PKHD1L1: variants seen among roughly 807,000 people sequenced by gnomAD.
PKHD1L1 encodes PKHD1 like 1.
Under a neutral mutation model 462.9 loss-of-function variants are expected in PKHD1L1, and 434 were observed. The observed-to-expected ratio is 0.94, with a 90% CI of 0.87 to 1.02. PKHD1L1 has a LOEUF of 1.02. PKHD1L1 is among the 50% of genes least tolerant of loss of function. The pLI, the probability that PKHD1L1 is intolerant of heterozygous loss-of-function variation, is 0.00. For synonymous variants in PKHD1L1, 1,781 were observed against 1,750.0 expected, an observed-to-expected ratio of 1.02 and a Z score of -0.44; for missense variants, 5,202 against 5,096.1, an observed-to-expected ratio of 1.02 and a Z score of -0.63.
intron 2 of PKHD1L1, among the ~76,000 whole-genome samples, chr8:109,365,245 C>T (rs1811171888): frequency 6.6e-6 from 1 of 152,038 alleles, no homozygotes; most frequent in South Asian, 2.1e-4. Flanking sequence ...GCCATAAGAC[C>T]TTTGCAATAT....
intron 38 of PKHD1L1, 45 bp downstream of exon 38, chr8:109,445,690 A>G (rs757142880): frequency 2.9e-5 from 42 of 1,468,652 alleles, no homozygotes; most frequent in Admixed American, 5.7e-5. Flanking sequence ...TAGTATCGAT[A>G]ATATTTATTA....
chr8:109,462,230 T>C (rs533564685), intron 48 of PKHD1L1, among the ~76,000 whole-genome samples: 12 of 152,290 alleles, frequency 7.9e-5, no homozygotes, highest in African/African-American at 2.6e-4. Flanking sequence ...TGTGATTTTC[T>C]CCTACCTGGT....
chr8:109,429,303 A>G (rs1457799420), intron 25 of PKHD1L1, 37 bp from the exon 26 acceptor site: 2 of 1,446,006 alleles, frequency 1.4e-6, no homozygotes, highest in South Asian at 1.3e-5. Context: ...CATATTTGTT[A>G]TAACCTTTCT....
intron 2 of PKHD1L1, among the ~76,000 whole-genome samples, chr8:109,378,989 C>G (rs1039648887): frequency 3.3e-5 from 5 of 152,172 alleles, no homozygotes; most frequent in African/African-American, 1.2e-4. Context: ...CCAGGAGCTT[C>G]TCTCTGTGGC....
In PKHD1L1 at chr8:109,523,244, A is replaced by G. The variant is rs1183486091; in HGVS notation, c.12342A>G (p.Val4114=). The G allele has an allele frequency of 1.9e-6, 3 of 1,600,756 alleles. No homozygotes were observed. The highest frequency in any genetic ancestry group is 2.2e-5 in the East Asian group (1 of 44,694). The change falls in exon 76 of 78, where the codon GTA becomes GTG. Residue 4114 remains valine, a synonymous_variant. Transcript: ENST00000378402. ...VKATDSDGNC[V]SVGITALTLR... is the part of the protein sequence containing the mutation. ...TTTTTTTTTTTTAGGGTAACTGTGTATCAGTTGGAATTACTGCACTAACTT... is the reference window on the plus strand; with the variant it reads ...TTTTTTTTTTTTAGGGTAACTGTGTGTCAGTTGGAATTACTGCACTAACTT...
In PKHD1L1 at chr8:109,412,411, T is replaced by C. The variant is rs755284586; in HGVS notation, c.2232T>C (p.Asn744=). 6 of 1,603,230 alleles carry C rather than the reference T, an allele frequency of 3.7e-6. No homozygotes were observed. The East Asian group carries it at 1.1e-4, about 30-fold the overall frequency. ...PYGDILLFPY[N]QLCLAYKGFL... ...GAGATATTTTATTGTTTCCTTATAATCAGGTAAGCTCAACAAAATGATATG... is the reference window on the plus strand; with the variant it reads ...GAGATATTTTATTGTTTCCTTATAACCAGGTAAGCTCAACAAAATGATATG... The change falls in exon 20 of 78, where the codon AAT becomes AAC. Residue 744 remains asparagine (N), a synonymous_variant. Coordinates refer to ENST00000378402, the MANE Select transcript of PKHD1L1 (RefSeq NM_177531.6).
chr8:109,415,284 G>T (rs543328613), intron 21 of PKHD1L1, among the ~76,000 whole-genome samples: 2 of 152,166 alleles, frequency 1.3e-5, no homozygotes, highest in East Asian at 3.9e-4. Context: ...GGGATTACAG[G>T]CATGAGACAC....
chr8:109,373,728 G>T (rs1265270906), intron 2 of PKHD1L1, among the ~76,000 whole-genome samples: 1 of 152,158 alleles, frequency 6.6e-6, no homozygotes, highest in Non-Finnish European at 1.5e-5. Flanking sequence ...TGGTTTCAAA[G>T]AACATCTTTA....
chr8:109,451,054 C>T lies in PKHD1L1; in HGVS notation c.6255C>T (p.Tyr2085=), dbSNP rs375915761. 123 of 1,613,696 alleles carry T rather than the reference C, an allele frequency of 7.6e-5. No homozygotes were observed. Among genetic ancestry groups the T allele is most frequent in the African/African-American group, 5.9e-4 (44 of 74,916 alleles). The stretch of plus-strand genomic sequence containing the variant: ...CACAGTCCATGACTCCGTTTACGTA[C>T]GCAGTGTCACTGACTCCACTCATCA... The part of the protein sequence containing the change: ...DLSQSMTPFT[Y]AVSLTPLITA... Residue 2085 remains tyrosine (Y), a synonymous_variant, in exon 41 of 78, where the codon TAC becomes TAT. Coordinates refer to ENST00000378402, the MANE Select transcript of PKHD1L1 (RefSeq NM_177531.6).
At chr8:109,529,074 T>A (rs1820955005) in intron 77 of PKHD1L1, among the ~76,000 whole-genome samples, 1 of 152,090 alleles carries the variant, frequency 6.6e-6, no homozygotes, top group Non-Finnish European at 1.5e-5. Context: ...TATTGAGCAA[T>A]AAAAGCCAAG....
In PKHD1L1 at chr8:109,419,092, T is replaced by C; in HGVS notation, c.2361-5T>C. On this transcript the variant is annotated splice_region_variant and splice_polypyrimidine_tract_variant and intron_variant, in intron 21 of 77. Coordinates refer to ENST00000378402, the MANE Select transcript of PKHD1L1 (RefSeq NM_177531.6). ...TATACAACAAATTAATCAACCGTAT[T>C]TCAGCTGGACTTACACTTGCATAGA... The C allele has an allele frequency of 6.2e-7, 1 of 1,609,800 alleles. No individual in the cohort carries two copies.
Position 109,420,508 on chromosome 8 carries a change from T to A in PKHD1L1, c.2525-10T>A, listed in dbSNP as rs1814405350. Reference sequence around the variant, plus strand: ...TACACCAACCTAATATTTTTATTTATATTCTTTAGAAATGCCCAAGAGAAG... The same window carrying A: ...TACACCAACCTAATATTTTTATTTAAATTCTTTAGAAATGCCCAAGAGAAG... On this transcript the variant is annotated splice_polypyrimidine_tract_variant and intron_variant, in intron 22 of 77. Coordinates refer to ENST00000378402, the MANE Select transcript of PKHD1L1 (RefSeq NM_177531.6). 3.3e-6 allele frequency: 5 copies of A among 1,515,138 alleles called. No individual in the cohort carries two copies. The South Asian group carries it at 6.6e-5, about 20-fold the overall frequency. The allele number at this position is 1,515,138 out of a possible 1,614,324, so 93.9% of individuals were successfully genotyped here.
Position 109,398,498 on chromosome 8 carries a change from T to A in PKHD1L1, c.962T>A (p.Ile321Lys), listed in dbSNP as rs2130525099. 4 of 1,572,996 alleles carry A rather than the reference T, an allele frequency of 2.5e-6. No individual in the cohort carries two copies. In the East Asian group the frequency reaches 6.9e-5, roughly 27 times the overall value. The change falls in exon 12 of 78, where the codon ATA (isoleucine) becomes AAA (lysine). Residue 321 changes from isoleucine (I) to lysine (K), a missense_variant. Physicochemically the swap from Ile to Lys is moderately radical, Grantham distance 102. This residue lies in a region of PKHD1L1 where 4,497 missense variants were observed against 4,336.8 expected (regional missense o/e 1.04). Transcript: ENST00000378402. ...ATTTTGAATGTCACAGAAAATAGTA[T>A]ATGTTGCAAGACACCCCCCAAACCT... Reference protein sequence around the residue: ...CDILNVTENSICCKTPPKPHI... With the variant: ...CDILNVTENSKCCKTPPKPHI...
chr8:109,474,258 T>G (rs1330019700), intron 50 of PKHD1L1, among the ~76,000 whole-genome samples: 1 of 152,146 alleles, frequency 6.6e-6, no homozygotes, highest in Non-Finnish European at 1.5e-5. Context: ...ATTTTTAAAA[T>G]AAGAGGTTGT....
At position 109,489,947 on chromosome 8, in the gene PKHD1L1, C is replaced by A; in HGVS notation, c.9881-5C>A. 1.3e-6 allele frequency: 2 copies of A among 1,561,116 alleles called. No homozygotes were observed. The highest frequency in any genetic ancestry group is 2.3e-5 in the East Asian group (1 of 44,418). ...AAACAAATTTTAAATCTTTCCCTAC[C>A]TTAGGAAATGCAAGAATAAGTAATG... On this transcript the variant is annotated splice_polypyrimidine_tract_variant and splice_region_variant and intron_variant, in intron 59 of 77. Transcript: ENST00000378402.
chr8:109,397,347 C>G (rs1035880776), intron 11 of PKHD1L1, among the ~76,000 whole-genome samples: 2 of 151,940 alleles, frequency 1.3e-5, no homozygotes, highest in African/African-American at 4.8e-5. Context: ...TTCCTTTTTT[C>G]TGGTTCAAAT....
Position 109,493,735 on chromosome 8 carries a change from T to C in PKHD1L1, c.10311T>C (p.Asp3437=). The change falls in exon 63 of 78, where the codon GAT becomes GAC. Residue 3437 remains aspartate, a synonymous_variant. Coordinates refer to ENST00000378402, the MANE Select transcript of PKHD1L1 (RefSeq NM_177531.6). ...AGFGRAGYRI[D]GEPCPGQFNP... is the part of the protein sequence containing the mutation. ...TTGGAAGAGCAGGATACCGCATTGA[T>C]GGTGAACCTTGCCCAGGTAAGTCTT... The C allele has an allele frequency of 6.2e-7, 1 of 1,604,902 alleles. No homozygotes were observed. Among genetic ancestry groups the C allele is most frequent in the Non-Finnish European group, 8.5e-7 (1 of 1,175,204 alleles).
intron 31 of PKHD1L1, 98 bp from the exon 32 acceptor site, chr8:109,438,799 T>C (rs1340556438): frequency 5.0e-6 from 5 of 995,378 alleles, no homozygotes; most frequent in Non-Finnish European, 7.2e-6. Flanking sequence ...CTAAATCCAA[T>C]GAAAGATGAG....
intron 31 of PKHD1L1, 52 bp downstream of exon 31, chr8:109,438,508 T>C: frequency 6.8e-7 from 1 of 1,459,950 alleles, no homozygotes; most frequent in Non-Finnish European, 9.1e-7. Context: ...TAAAAAACAT[T>C]TCTAGAAAGG....
Sources: gnomAD v4.1 joint callset for allele counts (sites outside exome capture counted in the v4.1 genomes callset) on GRCh38, gnomAD v4.1.1 for gene constraint, gnomAD v4.1.1 regional missense constraint, MANE v1.5 for transcripts, NCBI Gene and HGNC (gene_info 2026-07-23, HGNC 2026-07-21) for gene names.